GPD1L: variants seen among roughly 807,000 people sequenced by gnomAD.
The protein encoded by GPD1L is glycerol-3-phosphate dehydrogenase 1 like.
Under a neutral mutation model 32.9 loss-of-function variants are expected in GPD1L, and 17 were observed. The observed-to-expected ratio is 0.52, with a 90% CI of 0.35 to 0.78. The LOEUF is 0.78. Among genes scored for constraint, GPD1L ranks in the 30% least tolerant of loss-of-function variants. The pLI is 0.01. For missense variants in GPD1L, 361 were observed against 447.8 expected, an observed-to-expected ratio of 0.81 and a Z score of 1.75; for synonymous variants, 187 against 165.9, an observed-to-expected ratio of 1.13 and a Z score of -0.98.
intron 2 of GPD1L, among the ~76,000 whole-genome samples, chr3:32,134,187 G>C (rs1700626820): frequency 6.6e-6 from 1 of 152,194 alleles, no homozygotes; most frequent in Non-Finnish European, 1.5e-5. Flanking sequence ...TTAGCAAAAG[G>C]TTTTATTCTG....
intron 5 of GPD1L, among the ~76,000 whole-genome samples, chr3:32,147,246 C>G (rs1319876549): frequency 6.6e-6 from 1 of 152,176 alleles, no homozygotes; most frequent in Non-Finnish European, 1.5e-5. Context: ...GAAATGCACT[C>G]CACTGGCCAG....
At chr3:32,111,613 G>A (rs1364284658) in intron 1 of GPD1L, among the ~76,000 whole-genome samples, 2 of 152,144 alleles carry the variant, frequency 1.3e-5, no homozygotes, top group African/African-American at 4.8e-5. Context: ...TGGCCAAGGG[G>A]TAGAGAGGCA....
intron 1 of GPD1L, among the ~76,000 whole-genome samples, chr3:32,121,824 G>T (rs35664357): frequency 0.11 from 16,829 of 148,394 alleles, 1,091 homozygotes; most frequent in South Asian, 0.21. Context: ...AGGCTGGAGT[G>T]CAGTGGTGTG....
intron 5 of GPD1L, chr3:32,151,560 A>C (rs1575119804): frequency 9.3e-6 from 2 of 216,182 alleles, no homozygotes; most frequent in South Asian, 1.2e-4. Context: ...GCTCAGTGCA[A>C]CCTCTGCCTC....
chr3:32,129,555 C>T (rs1221333160), intron 2 of GPD1L, among the ~76,000 whole-genome samples: 1 of 152,188 alleles, frequency 6.6e-6, no homozygotes, highest in Non-Finnish European at 1.5e-5. Context: ...GGCTAATGAA[C>T]TTGTCCAGGG....
intron 7 of GPD1L, among the ~76,000 whole-genome samples, chr3:32,162,029 T>C (rs1414253409): frequency 6.6e-6 from 1 of 152,184 alleles, no homozygotes; most frequent in African/African-American, 2.4e-5. Flanking sequence ...CCCTCCCTTC[T>C]CTTCTCCATT....
intron 1 of GPD1L, among the ~76,000 whole-genome samples, chr3:32,116,364 ATCT>A (rs1373878478): frequency 6.6e-6 from 1 of 152,238 alleles, no homozygotes; most frequent in African/African-American, 2.4e-5. Flanking sequence ...TCTCAAAAGG[ATCT>A]TGTTTTAAAC....
At chr3:32,121,521 C>CCTATA (rs1700413342) in intron 1 of GPD1L, among the ~76,000 whole-genome samples, 6 of 37,160 alleles carry the variant, frequency 1.6e-4, no homozygotes. Context: ...ATATTTCTCT[C>CCTATA]TATATATATT....
chr3:32,126,451 T>C (rs73824546), intron 1 of GPD1L, among the ~76,000 whole-genome samples: 6,496 of 152,230 alleles, frequency 0.043, 481 homozygotes, highest in African/African-American at 0.15. Flanking sequence ...CCCAGAACCA[T>C]ACTTGTTCTC....
Position 32,138,699 on chromosome 3 carries a change from A to G in GPD1L, c.338A>G (p.Lys113Arg), listed in dbSNP as rs2125485247. ...GATGAGATCACTGGGAGAGTGCCCAAGAAAGCGCTGGGAATCACCCTCATC... is the reference window on the plus strand; with the variant it reads ...GATGAGATCACTGGGAGAGTGCCCAGGAAAGCGCTGGGAATCACCCTCATC... ...ICDEITGRVPKKALGITLIKG... is the reference protein window; with the variant it reads ...ICDEITGRVPRKALGITLIKG... The change falls in exon 3 of 8, where the codon AAG becomes AGG. Residue 113 changes from lysine (K) to arginine (R), a missense_variant. Lys to Arg is a conservative substitution (Grantham distance 26, BLOSUM62 2). Coordinates refer to ENST00000282541, the MANE Select transcript of GPD1L (RefSeq NM_015141.4). 4 of 1,614,144 alleles carry G rather than the reference A, an allele frequency of 2.5e-6. No individual in the cohort carries two copies. Among genetic ancestry groups the G allele is most frequent in the South Asian group, 1.1e-5 (1 of 91,086 alleles).
chr3:32,146,811 G>T, intron 5 of GPD1L, 77 bp downstream of exon 5: 1 of 853,366 alleles, frequency 1.2e-6, no homozygotes, highest in East Asian at 2.4e-5. Flanking sequence ...TCAAGAATGG[G>T]CTCTGTGTTC....
At chr3:32,118,379 C>G (rs952023485) in intron 1 of GPD1L, among the ~76,000 whole-genome samples, 1 of 152,104 alleles carries the variant, frequency 6.6e-6, no homozygotes, top group Non-Finnish European at 1.5e-5. Context: ...GCATGTGAAT[C>G]TCTTGGGGAT....
chr3:32,119,942 T>G (rs965261942), intron 1 of GPD1L, among the ~76,000 whole-genome samples: 1 of 152,224 alleles, frequency 6.6e-6, no homozygotes, highest in African/African-American at 2.4e-5. Flanking sequence ...TCATCAGGTT[T>G]TTAGGCCCAA....
intron 1 of GPD1L, among the ~76,000 whole-genome samples, chr3:32,111,815 C>CTT (rs113395943): frequency 1.4e-5 from 2 of 143,846 alleles, no homozygotes; most frequent in Non-Finnish European, 3.1e-5. Context: ...GTGACTCTGT[C>CTT]TTTTTTTTTT....
intron 6 of GPD1L, 59 bp downstream of exon 6, chr3:32,159,168 G>A: frequency 2.3e-6 from 3 of 1,279,272 alleles, no homozygotes; most frequent in Non-Finnish European, 3.4e-6. Flanking sequence ...TCCTGGCTTG[G>A]GGTGAACTGC....
chr3:32,128,840 C>G (rs975984315), intron 2 of GPD1L, among the ~76,000 whole-genome samples: 1 of 152,146 alleles, frequency 6.6e-6, no homozygotes, highest in African/African-American at 2.4e-5. Context: ...CTGCTGTACC[C>G]TAAGTGCATG....
At chr3:32,113,899 G>C (rs1390214442) in intron 1 of GPD1L, among the ~76,000 whole-genome samples, 7 of 152,106 alleles carry the variant, frequency 4.6e-5, no homozygotes, top group Admixed American at 1.3e-4. Flanking sequence ...TGTCACCCAG[G>C]CTGGAGTACA....
intron 4 of GPD1L, among the ~76,000 whole-genome samples, chr3:32,144,851 A>ACAC (rs1553660477): frequency 4.3e-4 from 64 of 150,384 alleles, no homozygotes; most frequent in Non-Finnish European, 7.7e-4. Flanking sequence ...ACACACACAC[A>ACAC]CACCACCACG....
chr3:32,124,415 A>G (rs1700474978), intron 1 of GPD1L, among the ~76,000 whole-genome samples: 2 of 152,176 alleles, frequency 1.3e-5, no homozygotes, highest in Non-Finnish European at 2.9e-5. Context: ...TGTTCCCTTC[A>G]AAACCCTCTG....
Sources: allele counts gnomAD v4.1 joint callset (sites outside exome capture counted in the v4.1 genomes callset), GRCh38; gene constraint gnomAD v4.1.1; transcripts MANE v1.5; gene names NCBI Gene and HGNC (gene_info 2026-07-23, HGNC 2026-07-21).